Variants in NBPF15 observed in about 807,000 individuals in gnomAD.
The protein encoded by NBPF15 is NBPF member 15, also known as NBPF family member NBPF15.
Under a neutral mutation model 62.2 loss-of-function variants are expected in NBPF15, and 74 were observed. The ratio of observed to expected loss-of-function variants is 1.19; its 90% CI spans 0.99 to 1.44. The LOEUF is 1.44. Ranked by LOEUF, NBPF15 falls within the 40% of genes most tolerant of loss-of-function variation. The probability of loss-of-function intolerance (pLI) is 0.00; values close to 1 mark genes in which losing one functional copy is unlikely to be tolerated. For synonymous variants in NBPF15, 244 were observed against 209.7 expected (o/e 1.16, Z -1.41); for missense variants, 790 against 550.0 (o/e 1.44, Z -4.36).
At chr1:144,432,779 T>A (rs1198270034) in intron 13 of NBPF15, among the ~76,000 whole-genome samples, 13 of 151,674 alleles carry the variant, frequency 8.6e-5, no homozygotes, top group African/African-American at 3.2e-4. Context: ...ATATGCACCC[T>A]ATACAGGAGC....
At chr1:144,431,401 G>A (rs1279422759) in intron 13 of NBPF15, among the ~76,000 whole-genome samples, 3,174 of 149,638 alleles carry the variant, frequency 0.021, 75 homozygotes, top group African/African-American at 0.076. Flanking sequence ...CAAGCCAGAA[G>A]AGAGTGGGAG....
intron 17 of NBPF15, among the ~76,000 whole-genome samples, 188 bp downstream of exon 17, chr1:144,426,859 T>G (rs1410707335): frequency 1.9e-4 from 28 of 148,242 alleles, no homozygotes; most frequent in Admixed American, 3.4e-4. Flanking sequence ...TATAGTAAGT[T>G]AGTAAATGAT....
chr1:144,453,393 G>A (rs587615776), intron 4 of NBPF15, among the ~76,000 whole-genome samples: 1 of 151,756 alleles, frequency 6.6e-6, no homozygotes, highest in Admixed American at 6.6e-5. Flanking sequence ...TAACATAGGA[G>A]AAAATCTGAG....
At chr1:144,452,001 C>T (rs1279359551) in intron 4 of NBPF15, among the ~76,000 whole-genome samples, 1 of 151,436 alleles carries the variant, frequency 6.6e-6, no homozygotes, top group Non-Finnish European at 1.5e-5. Context: ...AAAATACAAA[C>T]ATTAGCCAGG....
chr1:144,442,884 C>T (rs1405157862), intron 6 of NBPF15: 1 of 208,542 alleles, frequency 4.8e-6, no homozygotes, highest in Non-Finnish European at 1.1e-5. Flanking sequence ...CCACCTTCAA[C>T]GTCATTGTCA....
intron 3 of NBPF15, among the ~76,000 whole-genome samples, chr1:144,457,921 C>T (rs587608113): frequency 1.3e-5 from 2 of 151,880 alleles, no homozygotes; most frequent in African/African-American, 4.8e-5. Context: ...AAAACCCTGT[C>T]TACAAAAAAT....
At position 144,434,527 on chromosome 1, in the gene NBPF15, G is replaced by A. The variant is rs1676785296; in HGVS notation, c.772+584C>T. Among the ~76,000 whole-genome samples the A allele has an allele frequency of 2.3e-5, 3 of 131,022 alleles. No homozygotes were observed. In the Admixed American group the frequency reaches 2.3e-4, roughly 10 times the overall value. The allele number at this position is 131,022 out of a possible 152,430, so 86.0% of individuals were successfully genotyped here. On this transcript the variant is annotated intron_variant, in intron 12 of 21. Coordinates refer to ENST00000581897, the MANE Select transcript of NBPF15 (RefSeq NM_001385408.1). ...AAAAAAAAAAAAAAAAAAAATCCAC[G>A]ATGCTACAAAGAAACATTGGATCAG... is the stretch of plus-strand genomic sequence containing the variant.
intron 9 of NBPF15, among the ~76,000 whole-genome samples, chr1:144,437,444 A>G (rs1447798207): frequency 1.4e-5 from 2 of 145,852 alleles, no homozygotes; most frequent in African/African-American, 5.1e-5. Flanking sequence ...AAATACACAT[A>G]GTGCATCTTG....
chr1:144,428,499 T>G lies in NBPF15; in HGVS notation c.1040+107A>C, dbSNP rs1263667924. The G allele has an allele frequency of 1.1e-4, 93 of 837,808 alleles. 1 individual carries two copies. The highest frequency in any genetic ancestry group is 1.8e-4 in the Non-Finnish European group (86 of 488,590). 51.9% of individuals were successfully genotyped at this position (837,808 alleles called of 1,614,324 possible). ...GCAATGTAGTAGGCATAATTCAGAC[T>G]TGTCTGACAAGACAAAATCATTATT... On this transcript the variant is annotated intron_variant, in intron 15 of 21. Transcript: ENST00000581897.
chr1:144,428,872 A>G lies in NBPF15; in HGVS notation c.989-215T>C, dbSNP rs1405818143. 1.9e-4 allele frequency among the ~76,000 whole-genome samples: 29 copies of G among 152,090 alleles called. 1 individual carries two copies. The East Asian group carries it at 3.9e-3, about 20-fold the overall frequency. The stretch of plus-strand genomic sequence containing the variant: ...TTGGGCAAAATTCCCCTGTTTTGGA[A>G]TGTTATCTTCCCTATGTGCTCTGTC... On this transcript the variant is annotated intron_variant, in intron 14 of 21. Transcript: ENST00000581897.
chr1:144,439,858 C>T lies in NBPF15; in HGVS notation c.146G>A (p.Gly49Asp). 6.2e-7 allele frequency: 1 copy of T among 1,609,098 alleles called. No homozygotes were observed. Among genetic ancestry groups the T allele is most frequent in the South Asian group, 1.1e-5 (1 of 90,932 alleles). Residue 49 changes from glycine (G) to aspartate (D), a missense_variant, in exon 8 of 22, where the codon GGC becomes GAC. Coordinates refer to ENST00000581897, the MANE Select transcript of NBPF15 (RefSeq NM_001385408.1). ...KEKCFLTQLA[G>D]FLANRQKKYK... ...TTTCTTCTGTCGGTTGGCCAGGAAGCCGGCCAGTTGAGTTAGAAAACATTT... is the reference window on the plus strand; with the variant it reads ...TTTCTTCTGTCGGTTGGCCAGGAAGTCGGCCAGTTGAGTTAGAAAACATTT...
intron 20 of NBPF15, 80 bp from the exon 21 acceptor site, chr1:144,424,055 C>A (rs1403594555): frequency 2.0e-5 from 15 of 758,244 alleles, no homozygotes; most frequent in Non-Finnish European, 3.6e-5. Context: ...AATCCTCACA[C>A]AGGGACCTCA....
intron 4 of NBPF15, among the ~76,000 whole-genome samples, chr1:144,453,638 C>CAAAAAAA (rs200525708): frequency 2.9e-3 from 106 of 36,154 alleles, no homozygotes; most frequent in Admixed American, 4.8e-3. Flanking sequence ...CAACACAAAG[C>CAAAAAAA]AAAAAAAAAA....
At position 144,426,566 on chromosome 1, in the gene NBPF15, T is replaced by A. The variant is rs1230130127; in HGVS notation, c.1266-116A>T. 12 of 721,954 alleles carry A rather than the reference T, an allele frequency of 1.7e-5. No homozygotes were observed. In the Admixed American group the frequency reaches 2.4e-4, roughly 14 times the overall value. 44.7% of individuals were successfully genotyped at this position (721,954 alleles called of 1,614,324 possible). A position where few individuals can be genotyped will look rare whatever the true frequency, so the allele number is the denominator to read the frequency against. On this transcript the variant is annotated intron_variant, in intron 17 of 21. Coordinates refer to ENST00000581897, the MANE Select transcript of NBPF15 (RefSeq NM_001385408.1). ...TTTAAAAAGAAAAAGGACGGATCCA[T>A]TAATGAGGTAATGAATTATTGCCTT...
chr1:144,454,953 A>T (rs1346150481), intron 4 of NBPF15, among the ~76,000 whole-genome samples: 1 of 151,550 alleles, frequency 6.6e-6, no homozygotes, highest in African/African-American at 2.4e-5. Context: ...AGGTTTTGGT[A>T]AGTAATGTAG....
intron 3 of NBPF15, among the ~76,000 whole-genome samples, chr1:144,458,391 C>G (rs1285961351): frequency 1.3e-5 from 2 of 151,544 alleles, no homozygotes; most frequent in African/African-American, 2.4e-5. Flanking sequence ...GTGAACACCA[C>G]ATACTTCCCT....
At position 144,450,251 on chromosome 1, in the gene NBPF15, T is replaced by A. The variant is rs1473327813; in HGVS notation, c.-333+521A>T. Among the ~76,000 whole-genome samples the A allele has an allele frequency of 5.6e-4, 73 of 130,610 alleles. 1 individual carries two copies. The East Asian group carries it at 0.013, about 24-fold the overall frequency. The allele number at this position is 130,610 out of a possible 152,430, so 85.7% of individuals were successfully genotyped here. ...ACCGCATGAACTGGATCTAATCACATCACTCCATACATGACAGAGCTTTGT... is the reference window on the plus strand; with the variant it reads ...ACCGCATGAACTGGATCTAATCACAACACTCCATACATGACAGAGCTTTGT... On this transcript the variant is annotated intron_variant, in intron 5 of 21. Transcript: ENST00000581897.
At position 144,461,660 on chromosome 1, in the gene NBPF15, A is replaced by T. The variant is rs1553548585; in HGVS notation, c.-1217T>A. The T allele has an allele frequency of 6.6e-6, 1 of 152,288 alleles. No homozygotes were observed. The highest frequency in any genetic ancestry group is 2.4e-5 in the African/African-American group (1 of 41,408). The allele number at this position is 152,288 out of a possible 1,614,324, so 9.4% of individuals were successfully genotyped here. A position where few individuals can be genotyped will look rare whatever the true frequency, so the allele number is the denominator to read the frequency against. ...TCCTCAGGGTCCCGCCCGGCGCGTC[A>T]GGAGAGCCCAAGGCGCAGGCGCAGC... On this transcript the variant is annotated 5_prime_UTR_variant, in exon 1 of 22. Coordinates refer to ENST00000581897, the MANE Select transcript of NBPF15 (RefSeq NM_001385408.1).
intron 6 of NBPF15, among the ~76,000 whole-genome samples, chr1:144,447,496 C>T (rs1391635195): frequency 9.2e-5 from 14 of 151,968 alleles, no homozygotes; most frequent in African/African-American, 2.4e-4. Flanking sequence ...GCCCCCAATG[C>T]TAAACCTAAC....
Sources: allele counts gnomAD v4.1 joint callset (sites outside exome capture counted in the v4.1 genomes callset), GRCh38; gene constraint gnomAD v4.1.1; transcripts MANE v1.5; gene names NCBI Gene and HGNC (gene_info 2026-07-23, HGNC 2026-07-21).